GNB1: variants seen among roughly 807,000 people sequenced by gnomAD.
GNB1 encodes the protein guanine nucleotide-binding protein G(I)/G(S)/G(T) subunit beta-1.
In GNB1, 2 loss-of-function variants were observed where a neutral mutation model predicts 42.9. The ratio of observed to expected loss-of-function variants is 0.05; its 90% CI spans 0.02 to 0.15. GNB1 has a LOEUF of 0.15. GNB1 is among the 10% of genes least tolerant of loss of function. The pLI is 1.00. For missense variants in GNB1, 193 were observed against 462.2 expected, an observed-to-expected ratio of 0.42 and a Z score of 5.34; for synonymous variants, 183 against 174.7, an observed-to-expected ratio of 1.05 and a Z score of -0.38.
chr1:1,827,789 C>T (rs879565126), intron 2 of GNB1, among the ~76,000 whole-genome samples: 4 of 152,086 alleles, frequency 2.6e-5, no homozygotes, highest in African/African-American at 4.8e-5. Context: ...ACCAGCACCC[C>T]GCACGCATAA....
intron 5 of GNB1, among the ~76,000 whole-genome samples, chr1:1,811,009 C>G (rs1319331216): frequency 5.3e-5 from 8 of 150,874 alleles, no homozygotes; most frequent in African/African-American, 1.9e-4. Context: ...TTTTTTGAGG[C>G]AGAGTCTCCA....
chr1:1,874,074 A>G (rs1432145992), intron 1 of GNB1, among the ~76,000 whole-genome samples: 1 of 152,232 alleles, frequency 6.6e-6, no homozygotes, highest in East Asian at 1.9e-4. Context: ...AAGGACAGTC[A>G]GTGGAACAAA....
rs1646469693 is a variant in GNB1, at chr1:1,790,656, GT to G, written c.498-61del. 2.6e-6 allele frequency: 3 copies of G among 1,176,108 alleles called. No homozygotes were observed. In the African/African-American group the frequency reaches 4.5e-5, roughly 18 times the overall value. 72.9% of individuals were successfully genotyped at this position (1,176,108 alleles called of 1,614,324 possible). On this transcript the variant is annotated intron_variant, in intron 8 of 11. Transcript: ENST00000378609. This position sits in a 1 kb window ranked among gnomAD's most constrained non-coding sequence, Gnocchi z 5.4. The stretch of plus-strand genomic sequence containing the variant: ...CTTAACTTCTTGGGTGGCTAGTCAT[GT>G]GACAGACAATCTGTCCTTCAAACCA...
rs148111816 is a variant in GNB1, at chr1:1,878,918, G to A, written c.-96+11902C>T. 3.7e-3 allele frequency among the ~76,000 whole-genome samples: 564 copies of A among 152,182 alleles called. 1 individual carries two copies. Among genetic ancestry groups the A allele is most frequent in the Non-Finnish European group, 6.7e-3 (457 of 68,022 alleles). On this transcript the variant is annotated intron_variant, in intron 1 of 11. Coordinates refer to ENST00000378609, the MANE Select transcript of GNB1 (RefSeq NM_002074.5). ...CACTGACGAATCCATCTCCAACTTCGGACCATTCCCTCTGCTCTCAGAATA... is the reference window on the plus strand; with the variant it reads ...CACTGACGAATCCATCTCCAACTTCAGACCATTCCCTCTGCTCTCAGAATA...
intron 7 of GNB1, among the ~76,000 whole-genome samples, chr1:1,799,866 G>A (rs577610867): frequency 2.0e-5 from 3 of 152,234 alleles, no homozygotes; most frequent in South Asian, 2.1e-4. Context: ...GCCAGAAAGC[G>A]AAAGGATAAC....
At chr1:1,859,688 G>A (rs1169866005) in intron 1 of GNB1, among the ~76,000 whole-genome samples, 1 of 148,100 alleles carries the variant, frequency 6.8e-6, no homozygotes, top group Non-Finnish European at 1.5e-5. Flanking sequence ...GGAAGGAGAA[G>A]TGGGGTGGGG....
At chr1:1,839,712 G>A (rs1647199018) in intron 1 of GNB1, 1 of 151,898 alleles carries the variant, frequency 6.6e-6, no homozygotes, top group Admixed American at 6.6e-5. Flanking sequence ...AAGTTAGCCA[G>A]GCATGGTGTC....
At position 1,793,304 on chromosome 1, in the gene GNB1, C is replaced by T. The variant is rs759663442; in HGVS notation, c.438G>A (p.Leu146=). Residue 146 remains leucine, a synonymous_variant, in exon 8 of 12, where the codon CTG becomes CTA. Coordinates refer to ENST00000378609, the MANE Select transcript of GNB1 (RefSeq NM_002074.5). ...TGTCATCCAGGAATCGGCAGCAGGACAGGTAACCTGGCAAAGAACAGGCCT... is the reference window on the plus strand; with the variant it reads ...TGTCATCCAGGAATCGGCAGCAGGATAGGTAACCTGGCAAAGAACAGGCCT... ...SRELAGHTGY[L]SCCRFLDDNQ... 2 of 1,612,670 alleles carry T rather than the reference C, an allele frequency of 1.2e-6. No individual in the cohort carries two copies. The highest frequency in any genetic ancestry group is 3.3e-5 in the Admixed American group (2 of 59,968).
At position 1,815,971 on chromosome 1, in the gene GNB1, A is replaced by C. The variant is rs374802564; in HGVS notation, c.97-109T>G. On this transcript the variant is annotated intron_variant, in intron 4 of 11. Coordinates refer to ENST00000378609, the MANE Select transcript of GNB1 (RefSeq NM_002074.5). ...TCGCCCACTGTGCCTACCTCTTCCC[A>C]GCCCTTCCCACAGTTCTCCAGTGGC... 2.0e-4 allele frequency: 142 copies of C among 694,314 alleles called. 1 individual carries two copies. The highest frequency in any genetic ancestry group is 7.1e-4 in the Middle Eastern group (3 of 4,206). 43.0% of individuals were successfully genotyped at this position (694,314 alleles called of 1,614,324 possible). A position where few individuals can be genotyped will look rare whatever the true frequency, so the allele number is the denominator to read the frequency against.
chr1:1,803,959 G>T (rs1216107084), intron 7 of GNB1, among the ~76,000 whole-genome samples: 1 of 143,774 alleles, frequency 7.0e-6, no homozygotes, highest in East Asian at 2.0e-4. Flanking sequence ...TCCAGCCTGG[G>T]TGACATAGTG....
chr1:1,842,125 C>A (rs1199428770), intron 1 of GNB1, among the ~76,000 whole-genome samples: 1 of 151,658 alleles, frequency 6.6e-6, no homozygotes, highest in Non-Finnish European at 1.5e-5. Flanking sequence ...CTGGCCACCT[C>A]GTCTCTATTA....
intron 3 of GNB1, among the ~76,000 whole-genome samples, chr1:1,819,969 C>T (rs767563271): frequency 3.1e-4 from 47 of 152,168 alleles, no homozygotes; most frequent in Non-Finnish European, 6.0e-4. Flanking sequence ...AGGTGGAGGA[C>T]GAGTTCCCAG....
In GNB1 at chr1:1,825,417, G is replaced by C; in HGVS notation, c.37C>G (p.Gln13Glu). ...CATACTCGAATCTGGTTCTTAAGTT[G>C]CTCGGCCTCCTGCCGTAACTGGTCA... ...ELDQLRQEAE[Q>E]LKNQIRDARK... is the part of the protein sequence containing the mutation. The change falls in exon 3 of 12, where the codon CAA becomes GAA. Residue 13 changes from glutamine to glutamate, a missense_variant. Gln to Glu is a conservative substitution (Grantham distance 29, BLOSUM62 2). Transcript: ENST00000378609. The C allele has an allele frequency of 6.2e-7, 1 of 1,612,356 alleles. No homozygotes were observed. Among genetic ancestry groups the C allele is most frequent in the Non-Finnish European group, 8.5e-7 (1 of 1,178,356 alleles).
chr1:1,818,313 A>T (rs1338489386), intron 3 of GNB1: 1 of 107,848 alleles, frequency 9.3e-6, no homozygotes, highest in South Asian at 3.2e-4. Flanking sequence ...ATTAAAAAAA[A>T]AAAAAAAAAA....
At chr1:1,801,327 C>T (rs1646623618) in intron 7 of GNB1, among the ~76,000 whole-genome samples, 1 of 152,180 alleles carries the variant, frequency 6.6e-6, no homozygotes, top group South Asian at 2.1e-4. Flanking sequence ...CCATGCCCAG[C>T]CTATTTCATG....
rs1270377984 is a variant in GNB1 at position 1,800,064 on chromosome 1, A to C, written c.430+4355T>G. Among the ~76,000 whole-genome samples, 6 of 152,232 alleles carry C rather than the reference A, an allele frequency of 3.9e-5. No individual in the cohort carries two copies. In the South Asian group the frequency reaches 6.2e-4, roughly 16 times the overall value. On this transcript the variant is annotated intron_variant, in intron 7 of 11. Transcript: ENST00000378609. ...GATACAATGACACTAAACATCAGTTAGTTCTGGAGAATGTAACCGGACACA... is the reference window on the plus strand; with the variant it reads ...GATACAATGACACTAAACATCAGTTCGTTCTGGAGAATGTAACCGGACACA...
intron 1 of GNB1, among the ~76,000 whole-genome samples, chr1:1,862,243 T>C (rs746674182): frequency 1.3e-5 from 2 of 151,904 alleles, no homozygotes; most frequent in Non-Finnish European, 1.5e-5. Context: ...CTAAGTAAAG[T>C]GTATATGTTA....
intron 7 of GNB1, among the ~76,000 whole-genome samples, chr1:1,796,048 G>A (rs1646542186): frequency 6.6e-6 from 1 of 152,226 alleles, no homozygotes; most frequent in Admixed American, 6.5e-5. Flanking sequence ...GGAAAACCAT[G>A]CTCCAAGTAC....
rs775610058 is a variant in GNB1, at chr1:1,815,721, G to GT, written c.203+34dup. On this transcript the variant is annotated intron_variant, in intron 5 of 11. Coordinates refer to ENST00000378609, the MANE Select transcript of GNB1 (RefSeq NM_002074.5). ...TAGGACAACAGAGCAGCCCCTGAAT[G>GT]TAACAAGCAGCATCCTGCTCATGCC... The GT allele has an allele frequency of 1.4e-5, 15 of 1,105,292 alleles. No individual in the cohort carries two copies. The South Asian group carries it at 1.7e-4, about 13-fold the overall frequency. 68.5% of individuals were successfully genotyped at this position (1,105,292 alleles called of 1,614,324 possible).
Sources: gnomAD v4.1 joint callset for allele counts (sites outside exome capture counted in the v4.1 genomes callset) on GRCh38, gnomAD v4.1.1 for gene constraint, Gnocchi (gnomAD v3.1) non-coding constraint, MANE v1.5 for transcripts, NCBI Gene and HGNC (gene_info 2026-07-23, HGNC 2026-07-21) for gene names.